Variants in PON2 observed in about 807,000 individuals in gnomAD.
PON2 encodes the protein paraoxonase 2, also known as serum paraoxonase/arylesterase 2.
In PON2, 27 loss-of-function variants were observed where a neutral mutation model predicts 36.6. The ratio of observed to expected loss-of-function variants is 0.74; its 90% CI spans 0.54 to 1.02. The LOEUF (loss-of-function observed/expected upper bound fraction) is 1.02, where lower values mean the gene tolerates loss of function less well. Ranked by LOEUF, PON2 falls within the 50% of genes least tolerant of loss-of-function variation. The pLI, the probability that PON2 is intolerant of heterozygous loss-of-function variation, is 0.00. For synonymous variants in PON2, 149 were observed against 156.3 expected (o/e 0.95, Z 0.35); for missense variants, 363 against 421.1 (o/e 0.86, Z 1.21).
intron 2 of PON2, among the ~76,000 whole-genome samples, chr7:95,422,723 G>A (rs1382130179): frequency 6.6e-6 from 1 of 152,154 alleles, no homozygotes; most frequent in Non-Finnish European, 1.5e-5. Flanking sequence ...TTTCTAAAGA[G>A]TAAAACAAAA....
Position 95,410,001 on chromosome 7 carries a change from A to C in PON2, c.595T>G (p.Leu199Val). The change falls in exon 6 of 9, where the codon TTA becomes GTA. Residue 199 changes from leucine to valine, a missense_variant. Transcript: ENST00000222572. The stretch of plus-strand genomic sequence containing the variant: ...TAGTAAACAACATTTGCCCAGTGTA[A>C]GTTCAAGTATGTTTCTAAATACTTT... ...FLKYLETYLN[L>V]HWANVVYYSP... is the part of the protein sequence containing the mutation. The C allele has an allele frequency of 6.2e-7, 1 of 1,613,824 alleles. No homozygotes were observed. Among genetic ancestry groups the C allele is most frequent in the Non-Finnish European group, 8.5e-7 (1 of 1,179,816 alleles).
intron 1 of PON2, among the ~76,000 whole-genome samples, chr7:95,425,520 A>T (rs1475830464): frequency 7.2e-5 from 11 of 152,194 alleles, no homozygotes. Flanking sequence ...TAAATAATAA[A>T]AATAGCACCT....
intron 3 of PON2, 67 bp from the exon 4 acceptor site, chr7:95,412,544 T>A: frequency 1.3e-6 from 2 of 1,492,516 alleles, no homozygotes; most frequent in South Asian, 2.3e-5. Context: ...ACATGGGAAC[T>A]GTACATGAAG....
intron 3 of PON2, among the ~76,000 whole-genome samples, chr7:95,414,368 G>A (rs1789012678): frequency 6.6e-6 from 1 of 152,044 alleles, no homozygotes; most frequent in African/African-American, 2.4e-5. Flanking sequence ...CAGCAAACTG[G>A]GAATGTTTCT....
Position 95,434,975 on chromosome 7 carries a change from C to T in PON2, c.-24G>A, listed in dbSNP as rs1252698727. 20 of 1,518,488 alleles carry T rather than the reference C, an allele frequency of 1.3e-5. No homozygotes were observed. Among genetic ancestry groups the T allele is most frequent in the Non-Finnish European group, 1.8e-5 (20 of 1,139,056 alleles). 94.1% of individuals were successfully genotyped at this position (1,518,488 alleles called of 1,614,324 possible). A position where few individuals can be genotyped will look rare whatever the true frequency, so the allele number is the denominator to read the frequency against. ...ATGGCGCGGGAGCCGGGCGCGCTGC[C>T]TCGCTCCGGCCTGGCCAGCAGCTCC... On this transcript the variant is annotated 5_prime_UTR_variant, in exon 1 of 9. Transcript: ENST00000222572.
rs1244599987 is a variant in PON2 at position 95,411,705 on chromosome 7, C to T, written c.442G>A (p.Ala148Thr). ...TTCAGATGCAACAGAGAATTTTCTG[C>T]TTCTTCAAATTTAAAAATTTCCACT... is the stretch of plus-strand genomic sequence containing the variant. ...NTVEIFKFEE[A>T]ENSLLHLKTV... The change falls in exon 5 of 9, where the codon GCA becomes ACA. Residue 148 changes from alanine to threonine, a missense_variant. Coordinates refer to ENST00000222572, the MANE Select transcript of PON2 (RefSeq NM_000305.3). 3 of 1,613,780 alleles carry T rather than the reference C, an allele frequency of 1.9e-6. No individual in the cohort carries two copies. Among genetic ancestry groups the T allele is most frequent in the South Asian group, 2.2e-5 (2 of 91,046 alleles).
At chr7:95,412,742 G>A in intron 3 of PON2, 1 of 476,192 alleles carries the variant, frequency 2.1e-6, no homozygotes, top group Non-Finnish European at 3.8e-6. Flanking sequence ...GTGATTCCAG[G>A]GAGAGCTGAG....
At chr7:95,405,717 A>G (rs1186408501) in intron 8 of PON2, among the ~76,000 whole-genome samples, 1 of 152,250 alleles carries the variant, frequency 6.6e-6, no homozygotes, top group Non-Finnish European at 1.5e-5. Context: ...ATTTAGTGTT[A>G]TTATAGCAAT....
chr7:95,406,746 C>T (rs1809706504), intron 7 of PON2, among the ~76,000 whole-genome samples: 1 of 152,132 alleles, frequency 6.6e-6, no homozygotes, highest in Non-Finnish European at 1.5e-5. Context: ...GCCATCAATA[C>T]TTCATGGAAT....
chr7:95,416,611 G>T, intron 2 of PON2: 2 of 407,906 alleles, frequency 4.9e-6, no homozygotes, highest in South Asian at 4.9e-5. Flanking sequence ...CCGTATAAAA[G>T]TAATTGACAT....
At chr7:95,424,711 G>A in intron 1 of PON2, 126 bp from the exon 2 acceptor site, 1 of 723,654 alleles carries the variant, frequency 1.4e-6, no homozygotes, top group Non-Finnish European at 2.3e-6. Context: ...TAAAGCAGAT[G>A]AAAGAGAAAA....
intron 1 of PON2, among the ~76,000 whole-genome samples, chr7:95,431,291 G>A (rs899220685): frequency 1.6e-4 from 25 of 152,174 alleles, no homozygotes; most frequent in Admixed American, 1.2e-3. Flanking sequence ...TAACTTGATT[G>A]CCAAAGTACC....
At chr7:95,423,448 A>G (rs894592299) in intron 2 of PON2, among the ~76,000 whole-genome samples, 9 of 152,174 alleles carry the variant, frequency 5.9e-5, no homozygotes, top group African/African-American at 2.2e-4. Flanking sequence ...AAAGGGTAAA[A>G]GACAGCAAGA....
rs1426940696 is a variant in PON2 at position 95,405,246 on chromosome 7, T to C, written c.*84A>G. The C allele has an allele frequency of 7.0e-7, 1 of 1,427,846 alleles. No homozygotes were observed. Among genetic ancestry groups the C allele is most frequent in the Non-Finnish European group, 9.8e-7 (1 of 1,022,406 alleles). The allele number at this position is 1,427,846 out of a possible 1,614,324, so 88.4% of individuals were successfully genotyped here. ...CACATGCCATACATTTCTGGGTCAA[T>C]GTTGCTGGTTAAATTCCCTCAGAAT... On this transcript the variant is annotated 3_prime_UTR_variant, in exon 9 of 9. Transcript: ENST00000222572.
At chr7:95,434,836 C>A (rs1789527396) in intron 1 of PON2, 42 bp downstream of exon 1, 2 of 1,531,018 alleles carry the variant, frequency 1.3e-6, no homozygotes, top group South Asian at 1.2e-5. Flanking sequence ...CCACCCCGAG[C>A]CTGGGGACCG....
intron 7 of PON2, among the ~76,000 whole-genome samples, chr7:95,406,641 T>C (rs941850762): frequency 6.6e-6 from 1 of 152,208 alleles, no homozygotes; most frequent in Non-Finnish European, 1.5e-5. Context: ...CCTTCATGTA[T>C]TATTGAAAGA....
intron 5 of PON2, among the ~76,000 whole-genome samples, chr7:95,410,416 C>T (rs542630184): frequency 6.6e-5 from 10 of 152,284 alleles, no homozygotes; most frequent in Admixed American, 3.9e-4. Context: ...AACAATTATA[C>T]GTAAGGACAG....
intron 1 of PON2, among the ~76,000 whole-genome samples, chr7:95,433,631 A>G (rs1789494381): frequency 6.6e-6 from 1 of 152,194 alleles, no homozygotes; most frequent in African/African-American, 2.4e-5. Context: ...CTTATATTTA[A>G]TGGCCTCAAA....
chr7:95,429,035 C>CTT (rs879481006), intron 1 of PON2, among the ~76,000 whole-genome samples: 2 of 144,004 alleles, frequency 1.4e-5, no homozygotes, highest in Non-Finnish European at 3.1e-5. Context: ...AAAGCATGAA[C>CTT]TTTTTTTTTT....
Sources: allele counts gnomAD v4.1 joint callset (sites outside exome capture counted in the v4.1 genomes callset), GRCh38; gene constraint gnomAD v4.1.1; transcripts MANE v1.5; gene names NCBI Gene and HGNC (gene_info 2026-07-23, HGNC 2026-07-21).